The following LRRC49 variants were observed in gnomAD, a reference collection of about 807,000 sequenced individuals.
LRRC49 encodes the protein leucine-rich repeat-containing protein 49.
LRRC49 carries 50 observed loss-of-function variants against 83.3 expected under a neutral mutation model. The observed-to-expected ratio is 0.60, with a 90% CI of 0.48 to 0.76. The LOEUF (loss-of-function observed/expected upper bound fraction) is 0.76. Among genes scored for constraint, LRRC49 ranks in the 30% least tolerant of loss-of-function variants. The pLI is 0.00. For synonymous variants in LRRC49, 286 were observed against 283.3 expected, an observed-to-expected ratio of 1.01 and a Z score of -0.10; for missense variants, 704 against 809.1, an observed-to-expected ratio of 0.87 and a Z score of 1.58.
intron 14 of LRRC49, 142 bp downstream of exon 14, chr15:71,013,055 TTAAGA>T: frequency 1.7e-6 from 1 of 590,250 alleles, no homozygotes; most frequent in East Asian, 2.9e-5. Flanking sequence ...GTTGGGGATC[TTAAGA>T]TAAATAAGAT....
chr15:70,985,322 C>G (rs1464111244), intron 11 of LRRC49, among the ~76,000 whole-genome samples: 27 of 151,744 alleles, frequency 1.8e-4, no homozygotes, highest in African/African-American at 6.0e-4. Flanking sequence ...GATTGCCATT[C>G]TAACTGGTGT....
At chr15:71,037,967 T>G (rs772539954) in intron 15 of LRRC49, among the ~76,000 whole-genome samples, 1 of 152,132 alleles carries the variant, frequency 6.6e-6, no homozygotes, top group African/African-American at 2.4e-5. Context: ...AGTATTTACC[T>G]TGATGGAGCT....
chr15:70,985,584 G>C (rs1329962150), intron 11 of LRRC49, among the ~76,000 whole-genome samples: 2 of 152,154 alleles, frequency 1.3e-5, no homozygotes, highest in Non-Finnish European at 2.9e-5. Flanking sequence ...TAAGTTGCCT[G>C]TTCACTCTGA....
chr15:70,940,167 C>T (rs1220856286), intron 8 of LRRC49, among the ~76,000 whole-genome samples: 3 of 151,814 alleles, frequency 2.0e-5, no homozygotes, highest in African/African-American at 7.3e-5. Flanking sequence ...TTTAGGAAAC[C>T]TTAAACTGCC....
At chr15:70,953,840 T>C (rs1002117374) in intron 8 of LRRC49, among the ~76,000 whole-genome samples, 2 of 152,166 alleles carry the variant, frequency 1.3e-5, no homozygotes, top group African/African-American at 4.8e-5. Flanking sequence ...ATTTTTGTCT[T>C]CCTTTGTTGC....
rs190977974 is a variant in LRRC49, at chr15:71,039,281, A to G, written c.1857+1949A>G. 5.3e-5 allele frequency among the ~76,000 whole-genome samples: 8 copies of G among 152,286 alleles called. No homozygotes were observed. The East Asian group carries it at 1.5e-3, about 29-fold the overall frequency. ...AGATAGTAAGAGAACAATGTGAAAG[A>G]GATTGAACATAATCCTTTGGCCAAT... On this transcript the variant is annotated intron_variant, in intron 15 of 15. Coordinates refer to ENST00000260382, the MANE Select transcript of LRRC49 (RefSeq NM_017691.5).
intron 13 of LRRC49, among the ~76,000 whole-genome samples, chr15:71,012,252 C>T (rs2038678486): frequency 6.6e-6 from 1 of 151,976 alleles, no homozygotes; most frequent in Non-Finnish European, 1.5e-5. Flanking sequence ...AGAATGGGTC[C>T]TCATAGGGTA....
chr15:70,870,034 C>A (rs1406325823), intron 1 of LRRC49, among the ~76,000 whole-genome samples: 1 of 152,218 alleles, frequency 6.6e-6, no homozygotes, highest in Non-Finnish European at 1.5e-5. Flanking sequence ...ATTTCTGACA[C>A]TCTGAGCTTC....
chr15:70,960,448 A>C (rs2036566378), intron 8 of LRRC49, among the ~76,000 whole-genome samples: 1 of 152,238 alleles, frequency 6.6e-6, no homozygotes, highest in African/African-American at 2.4e-5. Flanking sequence ...ATTAAACTTC[A>C]TGTTCTTATC....
intron 15 of LRRC49, among the ~76,000 whole-genome samples, chr15:71,039,048 T>C (rs1300427443): frequency 6.6e-6 from 1 of 151,844 alleles, no homozygotes; most frequent in Non-Finnish European, 1.5e-5. Flanking sequence ...CAAAGTAGGG[T>C]TTTAGAAAAA....
chr15:70,859,954 G>A, intron 1 of LRRC49: 1 of 764,260 alleles, frequency 1.3e-6, no homozygotes, highest in Admixed American at 1.7e-5. Context: ...TCCATACGAA[G>A]ACCACCAGCG....
intron 4 of LRRC49, 103 bp from the exon 5 acceptor site, chr15:70,904,449 T>C: frequency 1.4e-6 from 1 of 731,482 alleles, no homozygotes; most frequent in Non-Finnish European, 2.3e-6. Context: ...ACTTATTTTT[T>C]TCTCCTCACA....
Position 70,980,106 on chromosome 15 carries a change from A to C in LRRC49, c.927A>C (p.Glu309Asp), listed in dbSNP as rs2037346160. Residue 309 changes from glutamate to aspartate, a missense_variant, in exon 10 of 16, where the codon GAA becomes GAC. Around this residue, in one of 3 missense-constraint regions of LRRC49, gnomAD observed 168 missense variants for 140.6 expected, o/e 1.20. Transcript: ENST00000260382. Reference protein sequence around the residue: ...RQLDMKRITEEERRMASVLAK... With the variant: ...RQLDMKRITEDERRMASVLAK... Reference sequence around the variant, plus strand: ...TTTCGGAAAATGTCTTTTAGGAAGAAGAAAGGCGTATGGCATCTGTTTTAG... The same window carrying C: ...TTTCGGAAAATGTCTTTTAGGAAGACGAAAGGCGTATGGCATCTGTTTTAG... 2 of 1,604,200 alleles carry C rather than the reference A, an allele frequency of 1.2e-6. No individual in the cohort carries two copies. The highest frequency in any genetic ancestry group is 1.7e-5 in the Admixed American group (1 of 57,814).
rs2039965589 is a variant in LRRC49, at chr15:71,049,777, G to GAAGGAAA, written c.*165_*166insAAGGAAA. 3 of 557,830 alleles carry GAAGGAAA rather than the reference G, an allele frequency of 5.4e-6. No individual in the cohort carries two copies. In the Admixed American group the frequency reaches 1.1e-4, roughly 20 times the overall value. 34.6% of individuals were successfully genotyped at this position (557,830 alleles called of 1,614,324 possible). On this transcript the variant is annotated 3_prime_UTR_variant, in exon 16 of 16. Transcript: ENST00000260382. ...CTCATAGCTAAAAGTTAAGAAGGAA[G>GAAGGAAA]GAAGGAAAGCAGGAGAAAGGAAGGA...
intron 11 of LRRC49, among the ~76,000 whole-genome samples, chr15:71,000,076 G>T (rs2141250322): frequency 6.6e-6 from 1 of 152,366 alleles, no homozygotes; most frequent in East Asian, 1.9e-4. Flanking sequence ...CCAAGCTGGG[G>T]AGTGGGGAAT....
intron 8 of LRRC49, among the ~76,000 whole-genome samples, chr15:70,942,035 G>T (rs111992653): frequency 2.2e-3 from 19 of 8,514 alleles, no homozygotes; most frequent in African/African-American, 3.2e-3. Flanking sequence ...TAAAGGTTAT[G>T]TGTGTGTGTG....
intron 14 of LRRC49, among the ~76,000 whole-genome samples, chr15:71,031,176 A>T (rs2039341344): frequency 6.6e-6 from 1 of 151,882 alleles, no homozygotes; most frequent in Non-Finnish European, 1.5e-5. Flanking sequence ...TGACCTTTGG[A>T]TGGGGTTTTT....
At chr15:70,937,334 T>A (rs1165508677) in intron 8 of LRRC49, among the ~76,000 whole-genome samples, 1 of 152,182 alleles carries the variant, frequency 6.6e-6, no homozygotes, top group South Asian at 2.1e-4. Flanking sequence ...ATAAATTTAG[T>A]TTTCTAACTA....
At chr15:71,009,213 T>C (rs1261617035) in intron 12 of LRRC49, among the ~76,000 whole-genome samples, 1 of 151,866 alleles carries the variant, frequency 6.6e-6, no homozygotes, top group Non-Finnish European at 1.5e-5. Flanking sequence ...TTTCACTTCA[T>C]TCTCCCTAAA....
Sources: gnomAD v4.1 joint callset for allele counts (sites outside exome capture counted in the v4.1 genomes callset) on GRCh38, gnomAD v4.1.1 for gene constraint, gnomAD v4.1.1 regional missense constraint, MANE v1.5 for transcripts, NCBI Gene and HGNC (gene_info 2026-07-23, HGNC 2026-07-21) for gene names.